Variants in PLA2G5 observed in about 807,000 individuals in gnomAD.
PLA2G5 encodes Ca2+-dependent phospholipase A2.
A neutral mutation model predicts 15.9 loss-of-function variants in PLA2G5; 12 were observed. That is an observed-to-expected ratio of 0.76 (90% CI 0.48 to 1.23). PLA2G5 has a LOEUF of 1.23. Ranked by LOEUF, PLA2G5 falls within the 50% of genes most tolerant of loss-of-function variation. The probability of loss-of-function intolerance (pLI) is 0.00; values close to 1 mark genes in which losing one functional copy is unlikely to be tolerated. For synonymous variants in PLA2G5, 71 were observed against 71.4 expected (o/e 0.99, Z 0.03); for missense variants, 169 against 177.1 (o/e 0.95, Z 0.26).
intron 2 of PLA2G5, among the ~76,000 whole-genome samples, chr1:20,060,198 C>T (rs2100459536): frequency 6.6e-6 from 1 of 151,498 alleles, no homozygotes; most frequent in South Asian, 2.1e-4. Flanking sequence ...CACTGTTAAC[C>T]AGCCCTTATC....
chr1:20,050,446 C>T (rs555889581), intron 1 of PLA2G5, among the ~76,000 whole-genome samples: 18 of 152,278 alleles, frequency 1.2e-4, no homozygotes, highest in African/African-American at 4.1e-4. Flanking sequence ...AGTTCAGTTT[C>T]TCTATAAGTT....
Position 20,087,664 on chromosome 1 carries a change from T to C in PLA2G5, c.185+1437T>C, listed in dbSNP as rs148650213. 2.3e-4 allele frequency among the ~76,000 whole-genome samples: 35 copies of C among 152,192 alleles called. 1 individual carries two copies. The East Asian group carries it at 6.8e-3, about 29-fold the overall frequency. ...TCTAGTTTCCAATGTCATTCTTCAA[T>C]AGAAGGCCCCTTCCAAGTCATATAT... On this transcript the variant is annotated intron_variant, in intron 3 of 4. Transcript: ENST00000375108.
At chr1:20,052,008 C>T (rs1466814852) in intron 1 of PLA2G5, among the ~76,000 whole-genome samples, 1 of 151,928 alleles carries the variant, frequency 6.6e-6, no homozygotes, top group Admixed American at 6.6e-5. Flanking sequence ...AATTTAAAAG[C>T]CTATGTAAAA....
At chr1:20,076,122 C>T (rs11573217) in intron 1 of PLA2G5, among the ~76,000 whole-genome samples, 5,849 of 152,212 alleles carry the variant, frequency 0.038, 170 homozygotes, top group Middle Eastern at 0.12. Flanking sequence ...GGGCCTGCCT[C>T]GGGCTCCCAA....
At chr1:20,071,667 A>G (rs1217624605) in intron 1 of PLA2G5, among the ~76,000 whole-genome samples, 4 of 152,166 alleles carry the variant, frequency 2.6e-5, no homozygotes, top group Non-Finnish European at 4.4e-5. Flanking sequence ...CCCAGCTCAC[A>G]GGTGCACTCC....
intron 1 of PLA2G5, among the ~76,000 whole-genome samples, chr1:20,030,996 C>G (rs958934945): frequency 3.3e-5 from 5 of 152,188 alleles, no homozygotes; most frequent in Admixed American, 6.5e-5. Flanking sequence ...ACAGTCTGAT[C>G]TCTCTTTCTT....
At chr1:20,041,058 A>T (rs2013569365) in intron 1 of PLA2G5, among the ~76,000 whole-genome samples, 1 of 152,342 alleles carries the variant, frequency 6.6e-6, no homozygotes, top group East Asian at 1.9e-4. Context: ...AGGCTGTGTC[A>T]TGGGTGTGTG....
At chr1:20,084,723 G>A in intron 1 of PLA2G5, 98 bp from the exon 2 acceptor site, 1 of 805,126 alleles carries the variant, frequency 1.2e-6, no homozygotes, top group Middle Eastern at 3.1e-4. Context: ...GACGGGGAGT[G>A]GAATAGATGG....
At position 20,090,690 on chromosome 1, in the gene PLA2G5, T is replaced by C. The variant is rs1344720760; in HGVS notation, c.415T>C (p.Ter139GlnextTer22). 6.2e-7 allele frequency: 1 copy of C among 1,614,186 alleles called. No individual in the cohort carries two copies. The highest frequency in any genetic ancestry group is 1.7e-5 in the Admixed American group (1 of 60,020). Residue 139 changes from the stop codon to glutamine (Q), a stop_lost, in exon 5 of 5, where the codon TAG becomes CAG. Transcript: ENST00000375108. The stretch of plus-strand genomic sequence containing the variant: ...ATACTTTCCCAACATCCTCTGCTCC[T>C]AGGCCTCCCCAGCGAGCTCCTCCCA... The part of the protein sequence containing the change: ...YQYFPNILCS[*>Q]
In PLA2G5 at chr1:20,084,801, G is replaced by C; in HGVS notation, c.-10-20G>C. ...GGCATTGCCTGATAGATCTGTTGTG[G>C]GATGTGTTTTTTTTTCCAGAACCCC... On this transcript the variant is annotated intron_variant, in intron 1 of 4. Transcript: ENST00000375108. The C allele has an allele frequency of 6.3e-7, 1 of 1,577,664 alleles. No homozygotes were observed. Among genetic ancestry groups the C allele is most frequent in the Non-Finnish European group, 8.7e-7 (1 of 1,146,970 alleles).
intron 2 of PLA2G5, among the ~76,000 whole-genome samples, chr1:20,085,857 G>A (rs553193517): frequency 1.3e-5 from 2 of 152,266 alleles, no homozygotes; most frequent in African/African-American, 4.8e-5. Flanking sequence ...TGAATTAGTG[G>A]CAGAGCCAGG....
chr1:20,055,670 C>T (rs1012821487), intron 1 of PLA2G5, among the ~76,000 whole-genome samples: 2 of 152,208 alleles, frequency 1.3e-5, no homozygotes, highest in Non-Finnish European at 2.9e-5. Flanking sequence ...TCCACCGACC[C>T]AGTGCTTTGG....
At chr1:20,048,894 T>G (rs1344135585) in intron 1 of PLA2G5, among the ~76,000 whole-genome samples, 49 of 152,300 alleles carry the variant, frequency 3.2e-4, no homozygotes, top group Non-Finnish European at 5.9e-5. Flanking sequence ...TTAAATTAAG[T>G]AATAGATATT....
chr1:20,050,636 TG>T (rs2014135575), intron 1 of PLA2G5, among the ~76,000 whole-genome samples: 1 of 152,202 alleles, frequency 6.6e-6, no homozygotes, highest in South Asian at 2.1e-4. Flanking sequence ...CAAATTTAAT[TG>T]GCTTCATGCT....
intron 1 of PLA2G5, among the ~76,000 whole-genome samples, chr1:20,056,911 A>G (rs991900622): frequency 3.0e-4 from 45 of 152,328 alleles, no homozygotes; most frequent in African/African-American, 1.1e-3. Flanking sequence ...TGGTCTATTC[A>G]AATGATCTAT....
chr1:20,035,596 A>G (rs906288355), intron 1 of PLA2G5, among the ~76,000 whole-genome samples: 1 of 151,706 alleles, frequency 6.6e-6, no homozygotes, highest in Admixed American at 6.6e-5. Flanking sequence ...CTATACCTTA[A>G]GTTTAAGTGA....
At chr1:20,045,220 A>C (rs2013831289) in intron 1 of PLA2G5, among the ~76,000 whole-genome samples, 1 of 152,140 alleles carries the variant, frequency 6.6e-6, no homozygotes, top group African/African-American at 2.4e-5. Context: ...GGAGGAATGG[A>C]GGGTGGAAAG....
At chr1:20,068,679 G>A (rs2015180828), upstream of PLA2G5, among the ~76,000 whole-genome samples, 1 of 151,996 alleles carries the variant, frequency 6.6e-6, no homozygotes, top group African/African-American at 2.4e-5. Context: ...TGGAACTCCC[G>A]ACCTCAGCTG....
intron 1 of PLA2G5, among the ~76,000 whole-genome samples, chr1:20,051,558 C>T (rs1038342758): frequency 2.0e-5 from 3 of 152,198 alleles, no homozygotes; most frequent in African/African-American, 7.2e-5. Context: ...TTTATCTCCA[C>T]CTGATTTCTC....
Sources: allele counts gnomAD v4.1 joint callset (sites outside exome capture counted in the v4.1 genomes callset), GRCh38; gene constraint gnomAD v4.1.1; transcripts MANE v1.5; gene names NCBI Gene and HGNC (gene_info 2026-07-23, HGNC 2026-07-21).